The following PCBP4 variants were observed in gnomAD, a reference collection of about 807,000 sequenced individuals.
PCBP4 encodes the protein poly(rC) binding protein 4.
PCBP4 carries 24 observed loss-of-function variants against 46.2 expected under a neutral mutation model. The observed-to-expected ratio is 0.52, with a 90% CI of 0.38 to 0.73. The LOEUF (loss-of-function observed/expected upper bound fraction) is 0.73. Ranked by LOEUF, PCBP4 falls within the 30% of genes least tolerant of loss-of-function variation. The probability of loss-of-function intolerance (pLI) is 0.00; values close to 1 mark genes in which losing one functional copy is unlikely to be tolerated. For missense variants in PCBP4, 407 were observed against 537.0 expected (o/e 0.76, Z 2.39); for synonymous variants, 203 against 224.4 (o/e 0.90, Z 0.85).
Position 51,959,811 on chromosome 3 carries a change from G to T in PCBP4, c.516+84C>A. On this transcript the variant is annotated intron_variant, in intron 8 of 13. Transcript: ENST00000461554. The surrounding 1 kb of genome is among the most constrained non-coding windows in gnomAD (Gnocchi z 5.6). The stretch of plus-strand genomic sequence containing the variant: ...GCAGCCCTGCCCTGCCCCACCTGCA[G>T]CACAGGCATAGGGTTTGGGGTCCCC... The T allele has an allele frequency of 6.5e-7, 1 of 1,537,230 alleles. No homozygotes were observed. The highest frequency in any genetic ancestry group is 8.8e-7 in the Non-Finnish European group (1 of 1,139,006).
chr3:51,962,562 G>A (rs1577688785), intron 1 of PCBP4, among the ~76,000 whole-genome samples: 1 of 152,168 alleles, frequency 6.6e-6, no homozygotes, highest in Admixed American at 6.5e-5. Flanking sequence ...ATGCCCAGGA[G>A]GGTGTGGGGA....
rs1274579924 is a variant in PCBP4 at position 51,960,010 on chromosome 3, T to C, written c.401A>G (p.Gln134Arg). Residue 134 changes from glutamine (Q) to arginine (R), a missense_variant, in exon 8 of 14, where the codon CAG becomes CGG. Coordinates refer to ENST00000461554, the MANE Select transcript of PCBP4 (RefSeq NM_001174100.2). The surrounding 1 kb of genome is among the most constrained non-coding windows in gnomAD (Gnocchi z 5.0). ...GAGCAGGTCCCCTGCCACCTGTACC[T>C]GGGCACCCGTAGTCTGCAAACAGAG... is the stretch of plus-strand genomic sequence containing the variant. ...IKEIRETTGA[Q>R]VQVAGDLLPN... 7 of 1,614,214 alleles carry C rather than the reference T, an allele frequency of 4.3e-6. No individual in the cohort carries two copies. The highest frequency in any genetic ancestry group is 5.1e-6 in the Non-Finnish European group (6 of 1,180,028).
Position 51,961,235 on chromosome 3 carries a change from G to A in PCBP4, c.6C>T (p.Ser2=), listed in dbSNP as rs139600929. The change falls in exon 3 of 14, where the codon AGC becomes AGT. Residue 2 remains serine, a synonymous_variant. Coordinates refer to ENST00000461554, the MANE Select transcript of PCBP4 (RefSeq NM_001174100.2). ...CCTCCTCCAGTCCCCCGTCCGAGCCGCTCATTCTGTCAGGCGAGGCTGGGG... is the reference window on the plus strand; with the variant it reads ...CCTCCTCCAGTCCCCCGTCCGAGCCACTCATTCTGTCAGGCGAGGCTGGGG... M[S]GSDGGLEEEP... 4.9e-5 allele frequency: 79 copies of A among 1,611,798 alleles called. No homozygotes were observed. In the East Asian group the frequency reaches 6.2e-4, roughly 13 times the overall value.
At chr3:51,962,791 A>C (rs1700243008) in intron 1 of PCBP4, 1 of 152,220 alleles carries the variant, frequency 6.6e-6, no homozygotes, top group Non-Finnish European at 1.5e-5. Context: ...CGTATGGCAT[A>C]AGGTCTTTGT....
chr3:51,958,104 T>TTAGC lies in PCBP4; in HGVS notation c.1165_1168dup (p.Asn390SerfsTer2). The TTAGC allele has an allele frequency of 6.3e-7, 1 of 1,592,076 alleles. No homozygotes were observed. The highest frequency in any genetic ancestry group is 8.5e-7 in the Non-Finnish European group (1 of 1,170,280). On this transcript the variant is annotated stop_gained and frameshift_variant, in exon 14 of 14. Coordinates refer to ENST00000461554, the MANE Select transcript of PCBP4 (RefSeq NM_001174100.2). LOFTEE classifies it high-confidence loss of function. The surrounding 1 kb of genome is among the most constrained non-coding windows in gnomAD (Gnocchi z 5.4). The stretch of plus-strand genomic sequence containing the variant: ...CTGCCGCTCAGCCTTCTTGCTCCCA[T>TTAGC]TAGCTGCTGCCATCTTGGCAGTGTA...
At chr3:51,964,228 T>A (rs1700309708) in intron 1 of PCBP4, among the ~76,000 whole-genome samples, 2 of 152,158 alleles carry the variant, frequency 1.3e-5, no homozygotes, top group African/African-American at 4.8e-5. Flanking sequence ...TAAGCGATGG[T>A]GGCTGCCCCC....
At position 51,959,174 on chromosome 3, in the gene PCBP4, A is replaced by AG; in HGVS notation, c.700+54dup. 4 of 1,612,716 alleles carry AG rather than the reference A, an allele frequency of 2.5e-6. No individual in the cohort carries two copies. In the South Asian group the frequency reaches 4.4e-5, roughly 18 times the overall value. ...ACCATTTCCACTCTCCCTGGAAGGG[A>AG]GGGGGCTGCCCTCTTAGGACCCTCC... On this transcript the variant is annotated intron_variant, in intron 11 of 13. Transcript: ENST00000461554. The surrounding 1 kb of genome is among the most constrained non-coding windows in gnomAD (Gnocchi z 5.6).
chr3:51,960,176 T>C lies in PCBP4; in HGVS notation c.387+13A>G, dbSNP rs1276009085. ...CCCCGGATTCCCTGTGGGTGGTATA[T>C]CTCGCCCCTCACCTCTCGGATCTCC... On this transcript the variant is annotated intron_variant, in intron 7 of 13. Transcript: ENST00000461554. The surrounding 1 kb of genome is among the most constrained non-coding windows in gnomAD (Gnocchi z 5.0). The C allele has an allele frequency of 6.2e-7, 1 of 1,614,066 alleles. No homozygotes were observed. Among genetic ancestry groups the C allele is most frequent in the South Asian group, 1.1e-5 (1 of 91,074 alleles).
intron 1 of PCBP4, among the ~76,000 whole-genome samples, chr3:51,963,716 C>A (rs1041591777): frequency 2.0e-5 from 3 of 152,232 alleles, no homozygotes; most frequent in Non-Finnish European, 4.4e-5. Flanking sequence ...CTTCACCTGA[C>A]CTAAACCCAC....
rs1227556302 is a variant in PCBP4 at position 51,960,700 on chromosome 3, A to G, written c.139-58T>C. ...GCATCTTCCCTGCTCCCTTGCCGGA[A>G]CTTGTCTGCCTGCCCCACTCACCAG... On this transcript the variant is annotated intron_variant, in intron 5 of 13. Coordinates refer to ENST00000461554, the MANE Select transcript of PCBP4 (RefSeq NM_001174100.2). The surrounding 1 kb of genome is among the most constrained non-coding windows in gnomAD (Gnocchi z 5.0). 3 of 1,514,294 alleles carry G rather than the reference A, an allele frequency of 2.0e-6. No homozygotes were observed. Among genetic ancestry groups the G allele is most frequent in the Non-Finnish European group, 2.8e-6 (3 of 1,089,198 alleles). The allele number at this position is 1,514,294 out of a possible 1,614,324, so 93.8% of individuals were successfully genotyped here. A position where few individuals can be genotyped will look rare whatever the true frequency, so the allele number is the denominator to read the frequency against.
In PCBP4 at chr3:51,958,242, C is replaced by CA; in HGVS notation, c.1030_1031insT (p.Gly344ValfsTer47). The CA allele has an allele frequency of 6.2e-7, 1 of 1,603,782 alleles. No homozygotes were observed. Among genetic ancestry groups the CA allele is most frequent in the Non-Finnish European group, 8.5e-7 (1 of 1,175,500 alleles). On this transcript the variant is annotated frameshift_variant, in exon 14 of 14. Transcript: ENST00000461554. LOFTEE classifies it high-confidence loss of function. This position sits in a 1 kb window ranked among gnomAD's most constrained non-coding sequence, Gnocchi z 5.4. Reference sequence around the variant, plus strand: ...GATGGCATAGGGTGTGCCCAGCAGGCCAGGGGGAGCTGTGGGCAGGGCCGT... The same window carrying CA: ...GATGGCATAGGGTGTGCCCAGCAGGCACAGGGGGAGCTGTGGGCAGGGCCGT...
At position 51,958,910 on chromosome 3, in the gene PCBP4, C is replaced by T. The variant is rs201073624; in HGVS notation, c.803G>A (p.Arg268Gln). 9.9e-6 allele frequency: 16 copies of T among 1,614,018 alleles called. No individual in the cohort carries two copies. Among genetic ancestry groups the T allele is most frequent in the Non-Finnish European group, 1.4e-5 (16 of 1,179,964 alleles). ...GRQGSKISEI[R>Q]QMSGAHIKIG... is the part of the protein sequence containing the mutation. Reference sequence around the variant, plus strand: ...CTTGATATGTGCCCCTGACATCTGCCGGATCTCGCTGATCTTGCTGCCCTG... The same window carrying T: ...CTTGATATGTGCCCCTGACATCTGCTGGATCTCGCTGATCTTGCTGCCCTG... The change falls in exon 13 of 14, where the codon CGG becomes CAG. Residue 268 changes from arginine (R) to glutamine (Q), a missense_variant. Coordinates refer to ENST00000461554, the MANE Select transcript of PCBP4 (RefSeq NM_001174100.2). This position sits in a 1 kb window ranked among gnomAD's most constrained non-coding sequence, Gnocchi z 5.4.
intron 2 of PCBP4, 50 bp from the exon 3 acceptor site, chr3:51,961,354 C>T: frequency 6.7e-7 from 1 of 1,482,492 alleles, no homozygotes; most frequent in Non-Finnish European, 8.9e-7. Context: ...GTCCACCCTG[C>T]CCCTGCCCTT....
At position 51,959,345 on chromosome 3, in the gene PCBP4, C is replaced by G; in HGVS notation, c.636+22G>C. 6.2e-7 allele frequency: 1 copy of G among 1,613,350 alleles called. No homozygotes were observed. The highest frequency in any genetic ancestry group is 8.5e-7 in the Non-Finnish European group (1 of 1,179,636). On this transcript the variant is annotated intron_variant, in intron 10 of 13. Transcript: ENST00000461554. This position sits in a 1 kb window ranked among gnomAD's most constrained non-coding sequence, Gnocchi z 5.6. ...AGGAGGCATGGTTCAGGAAGGGGTGCCTTGGGCTATGGGTCACTCACCTCA... is the reference window on the plus strand; with the variant it reads ...AGGAGGCATGGTTCAGGAAGGGGTGGCTTGGGCTATGGGTCACTCACCTCA...
chr3:51,960,295 C>T lies in PCBP4; in HGVS notation c.281G>A (p.Gly94Asp), dbSNP rs1700086668. The T allele has an allele frequency of 6.2e-7, 1 of 1,613,998 alleles. No homozygotes were observed. The highest frequency in any genetic ancestry group is 1.6e-4 in the Middle Eastern group (1 of 6,062). ...CACTGGAGGCCTGGAGACATTTCCA[C>T]CATTTGCAGGAGCAGCACAAAGGTC... is the stretch of plus-strand genomic sequence containing the variant. The part of the protein sequence containing the change: ...DEDLCAAPAN[G>D]GNVSRPPVTL... Residue 94 changes from glycine (G) to aspartate (D), a missense_variant, in exon 7 of 14, where the codon GGT (glycine) becomes GAT (aspartate). Gly to Asp is a moderately conservative substitution (Grantham distance 94). Coordinates refer to ENST00000461554, the MANE Select transcript of PCBP4 (RefSeq NM_001174100.2). This position sits in a 1 kb window ranked among gnomAD's most constrained non-coding sequence, Gnocchi z 5.0.
chr3:51,961,480 A>G, intron 2 of PCBP4, 176 bp from the exon 3 acceptor site: 1 of 754,818 alleles, frequency 1.3e-6, no homozygotes, highest in Non-Finnish European at 2.0e-6. Flanking sequence ...CGAGCTGTGT[A>G]AGCCTGGGGA....
Position 51,959,255 on chromosome 3 carries a change from G to A in PCBP4, c.674C>T (p.Pro225Leu). ...KLQQLSSHAV[P>L]FATPSVVPGL... ...TGGCACCACGCTGGGTGTGGCAAAGGGGACCGCATGGCTTGAGAGCTGCTG... is the reference window on the plus strand; with the variant it reads ...TGGCACCACGCTGGGTGTGGCAAAGAGGACCGCATGGCTTGAGAGCTGCTG... The change falls in exon 11 of 14, where the codon CCC becomes CTC. Residue 225 changes from proline to leucine, a missense_variant. Coordinates refer to ENST00000461554, the MANE Select transcript of PCBP4 (RefSeq NM_001174100.2). This position sits in a 1 kb window ranked among gnomAD's most constrained non-coding sequence, Gnocchi z 5.6. 1 of 1,613,976 alleles carries A rather than the reference G, an allele frequency of 6.2e-7. No homozygotes were observed. Among genetic ancestry groups the A allele is most frequent in the Non-Finnish European group, 8.5e-7 (1 of 1,179,984 alleles).
At position 51,960,122 on chromosome 3, in the gene PCBP4, C is replaced by T; in HGVS notation, c.387+67G>A. 6.2e-7 allele frequency: 1 copy of T among 1,614,110 alleles called. No homozygotes were observed. The highest frequency in any genetic ancestry group is 8.5e-7 in the Non-Finnish European group (1 of 1,179,958). On this transcript the variant is annotated intron_variant, in intron 7 of 13. Coordinates refer to ENST00000461554, the MANE Select transcript of PCBP4 (RefSeq NM_001174100.2). This position sits in a 1 kb window ranked among gnomAD's most constrained non-coding sequence, Gnocchi z 5.0. The stretch of plus-strand genomic sequence containing the variant: ...TCTAGGTGGGGAGGACGCCATAAGC[C>T]CAACACCCCTCTTACAACTGCTCCC...
rs370837023 is a variant in PCBP4 at position 51,959,257 on chromosome 3, G to A, written c.672C>T (p.Val224=). Residue 224 remains valine (V), a synonymous_variant, in exon 11 of 14, where the codon GTC becomes GTT. Transcript: ENST00000461554. The surrounding 1 kb of genome is among the most constrained non-coding windows in gnomAD (Gnocchi z 5.6). ...TKLQQLSSHA[V]PFATPSVVPG... ...GCACCACGCTGGGTGTGGCAAAGGG[G>A]ACCGCATGGCTTGAGAGCTGCTGGA... 6 of 1,613,854 alleles carry A rather than the reference G, an allele frequency of 3.7e-6. No individual in the cohort carries two copies. The African/African-American group carries it at 6.7e-5, about 18-fold the overall frequency.
Sources: allele counts gnomAD v4.1 joint callset (sites outside exome capture counted in the v4.1 genomes callset), GRCh38; gene constraint gnomAD v4.1.1; non-coding constraint Gnocchi (gnomAD v3.1); transcripts MANE v1.5; gene names NCBI Gene and HGNC (gene_info 2026-07-23, HGNC 2026-07-21).